The following CCSER1 variants were observed in gnomAD, a reference collection of about 807,000 sequenced individuals.
CCSER1 encodes the protein serine-rich coiled-coil domain-containing protein 1.
CCSER1 carries 41 observed loss-of-function variants against 82.0 expected under a neutral mutation model. The ratio of observed to expected loss-of-function variants is 0.50; its 90% CI spans 0.39 to 0.65. The LOEUF (loss-of-function observed/expected upper bound fraction) is 0.65. Among genes scored for constraint, CCSER1 ranks in the 30% least tolerant of loss-of-function variants. The probability of loss-of-function intolerance (pLI) is 0.00; values close to 1 mark genes in which losing one functional copy is unlikely to be tolerated. For synonymous variants in CCSER1, 414 were observed against 383.9 expected (o/e 1.08, Z -0.92); for missense variants, 1,119 against 1,064.2 (o/e 1.05, Z -0.72).
intron 1 of CCSER1, among the ~76,000 whole-genome samples, chr4:90,180,493 G>A (rs1386349322): frequency 2.6e-5 from 4 of 152,002 alleles, no homozygotes; most frequent in Non-Finnish European, 5.9e-5. Context: ...GGAGGCTGAG[G>A]CAGGAGAATC....
At chr4:91,236,368 A>C (rs981191777) in intron 10 of CCSER1, among the ~76,000 whole-genome samples, 87 of 152,090 alleles carry the variant, frequency 5.7e-4, no homozygotes, top group African/African-American at 2.0e-3. Context: ...TTGTAGTCTC[A>C]GCTACTCGGG....
intron 3 of CCSER1, among the ~76,000 whole-genome samples, chr4:90,340,709 C>A (rs987282995): frequency 6.6e-6 from 1 of 151,994 alleles, no homozygotes; most frequent in African/African-American, 2.4e-5. Flanking sequence ...ATAGGTTTCC[C>A]CCTTTTTATT....
rs191757539 is a variant in CCSER1 at position 91,271,233 on chromosome 4, A to G, written c.2217+185239A>G. Among the ~76,000 whole-genome samples the G allele has an allele frequency of 5.1e-4, 78 of 152,252 alleles. No individual in the cohort carries two copies. In the East Asian group the frequency reaches 0.011, roughly 21 times the overall value. Reference sequence around the variant, plus strand: ...AAATGTTTTCTTTTAACTGGTCATAAGTTACTTATGCTAAGCAGTTTTCTG... The same window carrying G: ...AAATGTTTTCTTTTAACTGGTCATAGGTTACTTATGCTAAGCAGTTTTCTG... On this transcript the variant is annotated intron_variant, in intron 10 of 10. Transcript: ENST00000509176.
At chr4:91,353,159 G>A (rs1748588725) in intron 10 of CCSER1, among the ~76,000 whole-genome samples, 1 of 152,188 alleles carries the variant, frequency 6.6e-6, no homozygotes. Context: ...CAGACACTGA[G>A]TTGTAGAAGG....
chr4:90,912,701 G>C (rs1726603782), intron 8 of CCSER1, among the ~76,000 whole-genome samples: 1 of 152,142 alleles, frequency 6.6e-6, no homozygotes, highest in African/African-American at 2.4e-5. Flanking sequence ...AGCTAAAGGA[G>C]GAAGTTCGAA....
At chr4:90,973,043 C>T (rs1418812468) in intron 9 of CCSER1, among the ~76,000 whole-genome samples, 3 of 151,664 alleles carry the variant, frequency 2.0e-5, no homozygotes, top group African/African-American at 4.8e-5. Flanking sequence ...AGACATAATA[C>T]CTGAAACTAT....
intron 10 of CCSER1, among the ~76,000 whole-genome samples, chr4:91,495,452 C>CTTATT (rs1301717762): frequency 3.3e-5 from 5 of 151,146 alleles, no homozygotes; most frequent in Admixed American, 2.7e-4. Flanking sequence ...GAGCTTGAAT[C>CTTATT]TTATTTTATT....
At chr4:91,384,463 C>G (rs1424104585) in intron 10 of CCSER1, among the ~76,000 whole-genome samples, 1 of 151,252 alleles carries the variant, frequency 6.6e-6, no homozygotes, top group Non-Finnish European at 1.5e-5. Flanking sequence ...TGATTTTAAA[C>G]AGTCAAAAAT....
intron 10 of CCSER1, among the ~76,000 whole-genome samples, chr4:91,230,408 T>C (rs1738530291): frequency 6.6e-6 from 1 of 151,948 alleles, no homozygotes; most frequent in Non-Finnish European, 1.5e-5. Context: ...GTTGATTGAG[T>C]TTGCTTATAG....
intron 10 of CCSER1, among the ~76,000 whole-genome samples, chr4:91,090,034 T>C (rs1723786895): frequency 6.6e-6 from 1 of 152,194 alleles, no homozygotes; most frequent in Non-Finnish European, 1.5e-5. Context: ...CTAAAACAGC[T>C]TGCAACCGTA....
intron 10 of CCSER1, among the ~76,000 whole-genome samples, chr4:91,183,799 G>A (rs189577388): frequency 2.6e-5 from 4 of 152,194 alleles, no homozygotes; most frequent in African/African-American, 7.2e-5. Flanking sequence ...TTTTCAATTG[G>A]TTGTAACTTG....
intron 10 of CCSER1, among the ~76,000 whole-genome samples, chr4:91,224,445 G>C (rs182332355): frequency 6.6e-6 from 1 of 152,160 alleles, no homozygotes; most frequent in African/African-American, 2.4e-5. Context: ...CAATGTCTTT[G>C]TGTGACAATG....
At chr4:91,090,391 T>C (rs1402182451) in intron 10 of CCSER1, among the ~76,000 whole-genome samples, 1 of 152,178 alleles carries the variant, frequency 6.6e-6, no homozygotes, top group African/African-American at 2.4e-5. Context: ...CAGTCTGCAA[T>C]TTTGGAAATT....
At chr4:91,308,401 T>C (rs570624217) in intron 10 of CCSER1, among the ~76,000 whole-genome samples, 22 of 152,094 alleles carry the variant, frequency 1.4e-4, no homozygotes, top group African/African-American at 5.1e-4. Flanking sequence ...GCGTTTGGTG[T>C]TATAATGGAC....
chr4:90,779,517 A>G (rs1298188085), intron 7 of CCSER1, among the ~76,000 whole-genome samples: 2 of 152,186 alleles, frequency 1.3e-5, no homozygotes, highest in Non-Finnish European at 2.9e-5. Context: ...AGCATTTAAC[A>G]TTCACTTATT....
intron 10 of CCSER1, among the ~76,000 whole-genome samples, chr4:91,111,563 TAGG>T (rs140548087): frequency 0.013 from 2,018 of 151,928 alleles, 48 homozygotes; most frequent in African/African-American, 0.046. Flanking sequence ...TCTGCTAACA[TAGG>T]AGGTGACATA....
chr4:90,214,950 T>C (rs1210504680), intron 1 of CCSER1, among the ~76,000 whole-genome samples: 2 of 152,178 alleles, frequency 1.3e-5, no homozygotes, highest in African/African-American at 4.8e-5. Context: ...TGTGTTTGAT[T>C]GTACAGTTAT....
chr4:91,109,261 G>A (rs1289338407), intron 10 of CCSER1, among the ~76,000 whole-genome samples: 1 of 152,056 alleles, frequency 6.6e-6, no homozygotes, highest in African/African-American at 2.4e-5. Context: ...GATTTCTTCA[G>A]CTAGTTCCCC....
chr4:91,252,850 A>C (rs1463235148), intron 10 of CCSER1, among the ~76,000 whole-genome samples: 1 of 152,172 alleles, frequency 6.6e-6, no homozygotes, highest in African/African-American at 2.4e-5. Context: ...ACCCAACTGA[A>C]CACAAAGGAA....
Sources: allele counts gnomAD v4.1 joint callset (sites outside exome capture counted in the v4.1 genomes callset), GRCh38; gene constraint gnomAD v4.1.1; transcripts MANE v1.5; gene names NCBI Gene and HGNC (gene_info 2026-07-23, HGNC 2026-07-21).